Variants in RASGEF1A observed in about 807,000 individuals in gnomAD.
RASGEF1A encodes RasGEF domain family member 1A.
In RASGEF1A, 18 loss-of-function variants were observed where a neutral mutation model predicts 56.4. The ratio of observed to expected loss-of-function variants is 0.32; its 90% CI spans 0.22 to 0.47. RASGEF1A has a LOEUF of 0.47. Ranked by LOEUF, RASGEF1A falls within the 20% of genes least tolerant of loss-of-function variation. RASGEF1A has a pLI of 1.00. For missense variants in RASGEF1A, 422 were observed against 627.1 expected (o/e 0.67, Z 3.49); for synonymous variants, 245 against 242.6 (o/e 1.01, Z -0.09).
intron 1 of RASGEF1A, among the ~76,000 whole-genome samples, chr10:43,265,683 G>A (rs1391396056): frequency 1.3e-5 from 2 of 152,244 alleles, no homozygotes; most frequent in African/African-American, 2.4e-5. Flanking sequence ...TGGGGAAACT[G>A]AGTCTCAGAA....
chr10:43,218,174 C>G (rs1840161709), intron 1 of RASGEF1A, among the ~76,000 whole-genome samples: 1 of 152,254 alleles, frequency 6.6e-6, no homozygotes, highest in African/African-American at 2.4e-5. Context: ...CTGCAGAGCA[C>G]TAGCGGTCCT....
intron 1 of RASGEF1A, among the ~76,000 whole-genome samples, chr10:43,223,065 C>T (rs12358897): frequency 0.5 from 75,541 of 151,858 alleles, 19,381 homozygotes; most frequent in East Asian, 0.71. Flanking sequence ...GCCCAGGAAA[C>T]ACAGTGAGCA....
chr10:43,203,579 T>C (rs1839945660), intron 2 of RASGEF1A, 159 bp from the exon 3 acceptor site: 2 of 1,295,032 alleles, frequency 1.5e-6, no homozygotes, highest in East Asian at 6.1e-5. Flanking sequence ...TGCAGGCCCT[T>C]CCTCCTCTTA....
At chr10:43,263,487 T>C (rs1836571864) in intron 1 of RASGEF1A, among the ~76,000 whole-genome samples, 1 of 152,150 alleles carries the variant, frequency 6.6e-6, no homozygotes, top group South Asian at 2.1e-4. Flanking sequence ...AGCCACATCT[T>C]TGCATCCCAC....
At chr10:43,208,751 C>A in intron 1 of RASGEF1A, 1 of 985,576 alleles carries the variant, frequency 1.0e-6, no homozygotes, top group South Asian at 4.7e-5. Flanking sequence ...TGAGCCCCTA[C>A]CCCCGAAAGC....
chr10:43,239,806 G>A (rs1347536498), intron 1 of RASGEF1A, among the ~76,000 whole-genome samples: 2 of 152,204 alleles, frequency 1.3e-5, no homozygotes, highest in Non-Finnish European at 2.9e-5. Flanking sequence ...GAGGTCTCAA[G>A]TACAAAAATC....
At chr10:43,245,413 C>T (rs1023918376) in intron 1 of RASGEF1A, among the ~76,000 whole-genome samples, 1 of 152,118 alleles carries the variant, frequency 6.6e-6, no homozygotes, top group Non-Finnish European at 1.5e-5. Context: ...AAAGCACTAA[C>T]CAATTCATTC....
intron 1 of RASGEF1A, among the ~76,000 whole-genome samples, chr10:43,233,061 G>A (rs115910616): frequency 0.013 from 1,686 of 127,910 alleles, 34 homozygotes; most frequent in African/African-American, 0.046. Flanking sequence ...CCCCCACCCC[G>A]ACAGGCCACC....
intron 1 of RASGEF1A, among the ~76,000 whole-genome samples, chr10:43,240,198 G>T (rs1247136804): frequency 2.0e-5 from 3 of 152,160 alleles, no homozygotes; most frequent in African/African-American, 7.2e-5. Flanking sequence ...ATTGACTCCA[G>T]GCACTTATGA....
chr10:43,203,263 G>GC (rs770019831), intron 3 of RASGEF1A, 35 bp downstream of exon 3: 148 of 1,513,506 alleles, frequency 9.8e-5, no homozygotes, highest in Middle Eastern at 2.4e-4. Flanking sequence ...CCTGCCCCCT[G>GC]CCCCCGCCCG....
chr10:43,229,634 T>C, intron 1 of RASGEF1A: 8 of 1,493,958 alleles, frequency 5.4e-6, no homozygotes, highest in Non-Finnish European at 7.1e-6. Flanking sequence ...GCCGCAGCCC[T>C]ACCTGGGGCT....
intron 1 of RASGEF1A, among the ~76,000 whole-genome samples, chr10:43,246,178 A>C (rs956479760): frequency 1.3e-5 from 2 of 152,216 alleles, no homozygotes; most frequent in African/African-American, 4.8e-5. Flanking sequence ...AATAGCATCA[A>C]AGAGAATAAA....
chr10:43,236,081 T>G (rs370741026), intron 1 of RASGEF1A, among the ~76,000 whole-genome samples: 3 of 152,316 alleles, frequency 2.0e-5, no homozygotes, highest in African/African-American at 7.2e-5. Flanking sequence ...AGAAGCAAAC[T>G]ACTTCATGGT....
intron 1 of RASGEF1A, among the ~76,000 whole-genome samples, chr10:43,220,452 C>T (rs1343737356): frequency 6.6e-6 from 1 of 152,068 alleles, no homozygotes; most frequent in African/African-American, 2.4e-5. Flanking sequence ...AAGATCATAC[C>T]ACTGCATCCC....
At chr10:43,236,384 T>C (rs1021516859) in intron 1 of RASGEF1A, among the ~76,000 whole-genome samples, 2 of 152,254 alleles carry the variant, frequency 1.3e-5, no homozygotes, top group African/African-American at 4.8e-5. Context: ...GGTGTGCGTA[T>C]GCACATGTGT....
At chr10:43,206,792 G>A in intron 1 of RASGEF1A, 2 of 986,136 alleles carry the variant, frequency 2.0e-6, no homozygotes, top group Non-Finnish European at 2.4e-6. Flanking sequence ...GAAGGTCTTG[G>A]GCCAAGTGGC....
At chr10:43,222,748 A>G (rs1396320570) in intron 1 of RASGEF1A, among the ~76,000 whole-genome samples, 1 of 152,244 alleles carries the variant, frequency 6.6e-6, no homozygotes, top group East Asian at 1.9e-4. Flanking sequence ...CTGAGAAAGG[A>G]GTCCCAGGAG....
intron 1 of RASGEF1A, chr10:43,229,726 G>A (rs1482017610): frequency 3.6e-6 from 5 of 1,400,852 alleles, no homozygotes; most frequent in South Asian, 3.0e-5. Flanking sequence ...CTGCCCGCGA[G>A]CCAAGCAAGC....
intron 1 of RASGEF1A, among the ~76,000 whole-genome samples, chr10:43,264,563 GAGTTACAGGAGGC>G (rs1347405581): frequency 6.6e-6 from 1 of 151,502 alleles, no homozygotes; most frequent in Non-Finnish European, 1.5e-5. Context: ...GAGTGGGTGG[GAGTTACAGGAGGC>G]AGATTGGAAG....
Sources: gnomAD v4.1 joint callset for allele counts (sites outside exome capture counted in the v4.1 genomes callset) on GRCh38, gnomAD v4.1.1 for gene constraint, MANE v1.5 for transcripts, NCBI Gene and HGNC (gene_info 2026-07-23, HGNC 2026-07-21) for gene names.